CELF1: variants seen among roughly 807,000 people sequenced by gnomAD.
CELF1 encodes CUGBP Elav-like family member 1, also known as 50 kDa nuclear polyadenylated RNA-binding protein.
A neutral mutation model predicts 61.8 loss-of-function variants in CELF1; 10 were observed. That is an observed-to-expected ratio of 0.16 (90% CI 0.10 to 0.27). The LOEUF (loss-of-function observed/expected upper bound fraction) is 0.27. CELF1 is among the 10% of genes least tolerant of loss of function. CELF1 has a pLI of 1.00. For synonymous variants in CELF1, 236 were observed against 225.1 expected (o/e 1.05, Z -0.43); for missense variants, 380 against 639.1 (o/e 0.59, Z 4.37).
chr11:47,484,113 G>A (rs2085130024), intron 7 of CELF1, among the ~76,000 whole-genome samples: 1 of 152,100 alleles, frequency 6.6e-6, no homozygotes, highest in African/African-American at 2.4e-5. Flanking sequence ...TGACAGGATC[G>A]TTTGAGTCCA....
intron 4 of CELF1, among the ~76,000 whole-genome samples, chr11:47,487,853 T>C (rs2088524383): frequency 6.6e-6 from 1 of 152,224 alleles, no homozygotes; most frequent in Non-Finnish European, 1.5e-5. Context: ...GCTTTGTATC[T>C]TTATTTTGGG....
chr11:47,488,768 A>C (rs1013017086), intron 4 of CELF1, 69 bp downstream of exon 4: 4 of 1,259,960 alleles, frequency 3.2e-6, no homozygotes, highest in Non-Finnish European at 4.2e-6. Context: ...CCTGTTAAAA[A>C]CCCAAAGCCC....
upstream of CELF1, chr11:47,553,191 G>A (rs1406191837): frequency 7.7e-6 from 3 of 391,854 alleles, no homozygotes; most frequent in East Asian, 1.1e-4. Context: ...GGAGGAGGGG[G>A]AGCGCGGCGA....
chr11:47,480,071 C>G (rs917678085), intron 9 of CELF1, among the ~76,000 whole-genome samples: 3 of 151,504 alleles, frequency 2.0e-5, no homozygotes, highest in Non-Finnish European at 4.4e-5. Flanking sequence ...ACACAGTCCA[C>G]TAGCACCCAC....
intron 1 of CELF1, among the ~76,000 whole-genome samples, chr11:47,537,677 G>A (rs1433794013): frequency 6.6e-6 from 1 of 152,090 alleles, no homozygotes; most frequent in Admixed American, 6.6e-5. Flanking sequence ...GAATTAAAAT[G>A]TTAAGTCTTT....
Position 47,486,784 on chromosome 11 carries a change from T to C in CELF1, c.357A>G (p.Ile119Met), listed in dbSNP as rs776200506. 6.2e-6 allele frequency: 10 copies of C among 1,610,820 alleles called. No individual in the cohort carries two copies. The East Asian group carries it at 8.9e-5, about 14-fold the overall frequency. ...MKVLPGMHHP[I>M]QMKPADSEKN... ...TCTCACTGTCAGCAGGTTTCATCTG[T>C]ATAGGGTGATGCATCTGAAAAGGAA... Residue 119 changes from isoleucine to methionine, a missense_variant, in exon 6 of 15, where the codon ATA becomes ATG. Transcript: ENST00000687097.
rs2087759278 is a variant in CELF1 at position 47,487,023 on chromosome 11, T to C, written c.342+136A>G. 11 of 774,976 alleles carry C rather than the reference T, an allele frequency of 1.4e-5. No homozygotes were observed. In the East Asian group the frequency reaches 2.4e-4, roughly 17 times the overall value. 48.0% of individuals were successfully genotyped at this position (774,976 alleles called of 1,614,324 possible). ...CAGGTAATCTCTGAACTGCTCCCTT[T>C]ATGTCTTCCTTTACATCAATTCCTG... On this transcript the variant is annotated intron_variant, in intron 5 of 14. Transcript: ENST00000687097.
intron 1 of CELF1, among the ~76,000 whole-genome samples, chr11:47,538,778 A>G (rs1448654599): frequency 6.6e-6 from 1 of 152,120 alleles, no homozygotes; most frequent in African/African-American, 2.4e-5. Flanking sequence ...ATATCACAGG[A>G]AAAAAACAAA....
chr11:47,491,180 T>C (rs926901247), intron 3 of CELF1, among the ~76,000 whole-genome samples: 1 of 150,876 alleles, frequency 6.6e-6, no homozygotes, highest in African/African-American at 2.4e-5. Flanking sequence ...TTATTTTTTA[T>C]TTGAGACAGA....
chr11:47,509,545 C>A (rs2094882244), intron 1 of CELF1, among the ~76,000 whole-genome samples: 1 of 152,056 alleles, frequency 6.6e-6, no homozygotes, highest in South Asian at 2.1e-4. Context: ...CACAGTGAGA[C>A]CTTGTCTCCC....
chr11:47,555,549 G>A (rs2153788695), upstream of CELF1, among the ~76,000 whole-genome samples: 1 of 152,194 alleles, frequency 6.6e-6, no homozygotes, highest in African/African-American at 2.4e-5. Context: ...ACAATTACAT[G>A]AAGAACACAA....
exon 1 of CELF1, chr11:47,565,458 G>A: frequency 1.7e-6 from 1 of 578,256 alleles, no homozygotes; most frequent in Non-Finnish European, 2.5e-6. Flanking sequence ...CTCCTCCAGA[G>A]TCCCGCCAGT....
chr11:47,556,323 C>G (rs188168672), upstream of CELF1, among the ~76,000 whole-genome samples: 3 of 152,234 alleles, frequency 2.0e-5, no homozygotes, highest in South Asian at 2.1e-4. Context: ...TAGCTGAGAT[C>G]ACAGGTGTGT....
intron 1 of CELF1, among the ~76,000 whole-genome samples, chr11:47,519,591 C>T (rs571554648): frequency 2.6e-5 from 4 of 152,152 alleles, no homozygotes; most frequent in African/African-American, 7.2e-5. Flanking sequence ...TCTCGCCGGG[C>T]GTGGTGGCTC....
chr11:47,474,372 T>C (rs142350042), intron 13 of CELF1, among the ~76,000 whole-genome samples: 1 of 152,330 alleles, frequency 6.6e-6, no homozygotes, highest in African/African-American at 2.4e-5. Flanking sequence ...CAGGCATGAC[T>C]TGCTTCCTAC....
intron 1 of CELF1, among the ~76,000 whole-genome samples, chr11:47,552,648 C>T (rs1386535168): frequency 6.6e-6 from 1 of 152,166 alleles, no homozygotes; most frequent in African/African-American, 2.4e-5. Context: ...GCCAGAAAGA[C>T]GAGGAAAACG....
rs371228526 is a variant in CELF1 at position 47,545,778 on chromosome 11, G to A, written c.-154+7214C>T. Among the ~76,000 whole-genome samples the A allele has an allele frequency of 6.6e-4, 100 of 151,800 alleles. 1 individual carries two copies. Among genetic ancestry groups the A allele is most frequent in the African/African-American group, 2.4e-3 (98 of 41,364 alleles). The stretch of plus-strand genomic sequence containing the variant: ...GCTCCTGAGCTCAAGCAATCTGCCC[G>A]CCTCAGTCTTCCAAAGTGCTGGGAT... On this transcript the variant is annotated intron_variant, in intron 1 of 14. Transcript: ENST00000687097.
At chr11:47,517,772 C>A (rs1001996585) in intron 1 of CELF1, among the ~76,000 whole-genome samples, 3 of 152,020 alleles carry the variant, frequency 2.0e-5, no homozygotes, top group Non-Finnish European at 4.4e-5. Flanking sequence ...ACTGCCTCAG[C>A]CTCCCGAGCA....
intron 1 of CELF1, among the ~76,000 whole-genome samples, chr11:47,543,301 T>G (rs1458968263): frequency 6.6e-6 from 1 of 151,920 alleles, no homozygotes; most frequent in Admixed American, 6.6e-5. Flanking sequence ...CTTGGGAGGC[T>G]GAGGTGGGGA....
Sources: allele counts gnomAD v4.1 joint callset (sites outside exome capture counted in the v4.1 genomes callset), GRCh38; gene constraint gnomAD v4.1.1; transcripts MANE v1.5; gene names NCBI Gene and HGNC (gene_info 2026-07-23, HGNC 2026-07-21).